SUGCT: variants seen among roughly 807,000 people sequenced by gnomAD.
SUGCT encodes succinyl-CoA:glutarate-CoA transferase.
SUGCT carries 41 observed loss-of-function variants against 55.0 expected under a neutral mutation model. The observed-to-expected ratio is 0.74, with a 90% CI of 0.58 to 0.97. The LOEUF is 0.97. Among genes scored for constraint, SUGCT ranks in the 50% least tolerant of loss-of-function variants. The pLI, the probability that SUGCT is intolerant of heterozygous loss-of-function variation, is 0.00. For missense variants in SUGCT, 568 were observed against 547.8 expected (o/e 1.04, Z -0.37); for synonymous variants, 187 against 200.4 (o/e 0.93, Z 0.56).
intron 12 of SUGCT, among the ~76,000 whole-genome samples, chr7:40,646,903 G>A (rs892224800): frequency 2.6e-5 from 4 of 152,150 alleles, no homozygotes; most frequent in Admixed American, 1.3e-4. Flanking sequence ...AATATCTGTT[G>A]CATGAATGAA....
At chr7:40,932,798 C>T in the SUGCT span, among the ~76,000 whole-genome samples, 1 of 150,308 alleles carries the variant, frequency 6.7e-6, no homozygotes, top group East Asian at 2.0e-4. Context: ...GATCTTCCTC[C>T]CTCCCTTTAT....
intron 12 of SUGCT, among the ~76,000 whole-genome samples, chr7:40,635,150 G>T (rs1240497328): frequency 6.6e-6 from 1 of 152,096 alleles, no homozygotes; most frequent in African/African-American, 2.4e-5. Context: ...GCTGGGCATG[G>T]TGGCCAGTGC....
chr7:40,272,167 T>C (rs866703379), intron 7 of SUGCT, among the ~76,000 whole-genome samples: 1 of 89,738 alleles, frequency 1.1e-5, no homozygotes, highest in Non-Finnish European at 2.1e-5. Context: ...TATATATATA[T>C]ATATATATAT....
chr7:40,574,790 T>C (rs1796636549), intron 12 of SUGCT, among the ~76,000 whole-genome samples: 1 of 152,220 alleles, frequency 6.6e-6, no homozygotes, highest in Admixed American at 6.5e-5. Flanking sequence ...TTTTAACCGA[T>C]ATTTATTGAG....
chr7:40,690,837 CAAAG>C lies in SUGCT; in HGVS notation c.1090-58596_1090-58593del, dbSNP rs1294589141. ...AAGCCATCCACACTCCTCAGCCTCC[CAAAG>C]TGCTGAGATATAGGCAGGAGCCACC... On this transcript the variant is annotated intron_variant, in intron 12 of 13. Coordinates refer to ENST00000335693, the MANE Select transcript of SUGCT (RefSeq NM_001193313.2). Among the ~76,000 whole-genome samples, 13 of 152,240 alleles carry C rather than the reference CAAAG, an allele frequency of 8.5e-5. 1 individual carries two copies. Among genetic ancestry groups the C allele is most frequent in the Middle Eastern group, 3.4e-3 (1 of 294 alleles).
chr7:40,428,640 C>T (rs931489800), intron 9 of SUGCT, among the ~76,000 whole-genome samples: 3 of 151,996 alleles, frequency 2.0e-5, no homozygotes, highest in Non-Finnish European at 2.9e-5. Flanking sequence ...ATTGTCTCCA[C>T]CCATTTATGT....
chr7:40,885,599 C>T, the SUGCT span, among the ~76,000 whole-genome samples: 15 of 152,222 alleles, frequency 9.9e-5, no homozygotes, highest in African/African-American at 3.6e-4. Context: ...GGAAAAGGTA[C>T]CATTTCCTTT....
At chr7:40,176,084 C>T (rs2009560) in intron 1 of SUGCT, among the ~76,000 whole-genome samples, 87,557 of 151,950 alleles carry the variant, frequency 0.58, 27,192 homozygotes, top group African/African-American at 0.82. Flanking sequence ...GTACAAAAAA[C>T]AGCGGGACAT....
intron 9 of SUGCT, among the ~76,000 whole-genome samples, chr7:40,363,907 A>G (rs368562568): frequency 2.9e-4 from 44 of 151,062 alleles, no homozygotes; most frequent in Non-Finnish European, 4.6e-4. Context: ...AATGTTGACA[A>G]TGGGGTGTTA....
Position 40,779,328 on chromosome 7 carries a change from T to C in SUGCT, c.1153+29831T>C, listed in dbSNP as rs183309101. ...GGTATGCAGCATCTCTCTGTTCATC[T>C]GTAATTTAGTCAGCTTGTGTACATA... On this transcript the variant is annotated intron_variant, in intron 13 of 13. Coordinates refer to ENST00000335693, the MANE Select transcript of SUGCT (RefSeq NM_001193313.2). Among the ~76,000 whole-genome samples the C allele has an allele frequency of 5.9e-4, 90 of 152,336 alleles. 1 individual carries two copies. The East Asian group carries it at 0.014, about 23-fold the overall frequency.
chr7:40,992,468 C>A, the SUGCT span, among the ~76,000 whole-genome samples: 3 of 152,086 alleles, frequency 2.0e-5, no homozygotes, highest in Non-Finnish European at 2.9e-5. Flanking sequence ...ACTAAGAATG[C>A]CTTAACCTGT....
At chr7:40,337,498 T>C (rs541176724) in intron 9 of SUGCT, among the ~76,000 whole-genome samples, 73 of 152,356 alleles carry the variant, frequency 4.8e-4, no homozygotes, top group Non-Finnish European at 8.8e-4. Flanking sequence ...TTTACAATTA[T>C]GTAATGGCTT....
At chr7:40,242,918 TA>T (rs1789509374) in intron 7 of SUGCT, among the ~76,000 whole-genome samples, 2 of 26,000 alleles carry the variant, frequency 7.7e-5, no homozygotes, top group Admixed American at 4.4e-4. Context: ...TATATATATA[TA>T]TATATATATA....
intron 13 of SUGCT, among the ~76,000 whole-genome samples, chr7:40,795,691 A>G (rs752500551): frequency 3.3e-5 from 5 of 152,130 alleles, no homozygotes; most frequent in Non-Finnish European, 5.9e-5. Flanking sequence ...GCAAGGAGCA[A>G]ACTCCCAAGA....
intron 12 of SUGCT, among the ~76,000 whole-genome samples, chr7:40,725,225 G>C (rs1786551773): frequency 6.6e-6 from 1 of 152,204 alleles, no homozygotes; most frequent in Admixed American, 6.5e-5. Context: ...CAGGAATGCA[G>C]AACTCCTAAG....
intron 12 of SUGCT, among the ~76,000 whole-genome samples, chr7:40,586,189 G>C (rs1797368749): frequency 6.6e-6 from 1 of 151,998 alleles, no homozygotes; most frequent in Non-Finnish European, 1.5e-5. Flanking sequence ...GTTCTATATA[G>C]AATTATATAG....
At chr7:40,533,286 G>C (rs1794188782) in intron 12 of SUGCT, among the ~76,000 whole-genome samples, 1 of 151,958 alleles carries the variant, frequency 6.6e-6, no homozygotes, top group Admixed American at 6.6e-5. Flanking sequence ...TTTTGTTAAA[G>C]GGTAGTTCTA....
the SUGCT span, among the ~76,000 whole-genome samples, chr7:40,877,902 A>G: frequency 6.6e-6 from 1 of 152,258 alleles, no homozygotes; most frequent in Admixed American, 6.5e-5. Context: ...CCAAAGATCT[A>G]AACAAAGCTC....
chr7:40,321,258 G>C (rs1375684154), intron 9 of SUGCT, among the ~76,000 whole-genome samples: 1 of 151,678 alleles, frequency 6.6e-6, no homozygotes, highest in African/African-American at 2.4e-5. Flanking sequence ...TGTACTTTTA[G>C]TAGAGACAGG....
Sources: gnomAD v4.1 joint callset for allele counts (sites outside exome capture counted in the v4.1 genomes callset) on GRCh38, gnomAD v4.1.1 for gene constraint, MANE v1.5 for transcripts, NCBI Gene and HGNC (gene_info 2026-07-23, HGNC 2026-07-21) for gene names.